DGKG: variants seen among roughly 807,000 people sequenced by gnomAD.
The protein encoded by DGKG is diacylglycerol kinase gamma.
DGKG carries 78 observed loss-of-function variants against 105.3 expected under a neutral mutation model. That is an observed-to-expected ratio of 0.74 (90% CI 0.62 to 0.89). The LOEUF (loss-of-function observed/expected upper bound fraction) is 0.89, where lower values mean the gene tolerates loss of function less well. Among genes scored for constraint, DGKG ranks in the 40% least tolerant of loss-of-function variants. The pLI is 0.00. For missense variants in DGKG, 958 were observed against 1,020.1 expected, an observed-to-expected ratio of 0.94 and a Z score of 0.83; for synonymous variants, 346 against 367.1, an observed-to-expected ratio of 0.94 and a Z score of 0.66.
intron 6 of DGKG, among the ~76,000 whole-genome samples, chr3:186,285,415 C>A (rs1404333524): frequency 1.3e-5 from 2 of 152,162 alleles, no homozygotes; most frequent in Admixed American, 6.6e-5. Flanking sequence ...ATTACGGAAG[C>A]CATCTTTTCC....
chr3:186,177,924 C>G (rs1324546392), intron 22 of DGKG, among the ~76,000 whole-genome samples: 1 of 151,996 alleles, frequency 6.6e-6, no homozygotes, highest in Non-Finnish European at 1.5e-5. Context: ...TATGTTGAAG[C>G]CCTAATTTCC....
At chr3:186,154,648 A>G (rs1302655772) in intron 24 of DGKG, among the ~76,000 whole-genome samples, 1 of 150,738 alleles carries the variant, frequency 6.6e-6, no homozygotes, top group Non-Finnish European at 1.5e-5. Context: ...CTGTCTCAAA[A>G]AAAAAAAAAA....
At position 186,288,782 on chromosome 3, in the gene DGKG, C is replaced by G; in HGVS notation, c.472G>C (p.Val158Leu). ...VPRSSSSESP[V>L]VYLKDVVCYL... ...CACACAACATCCTTCAGGTATACCACTGGGGATTCCGAGCTTGAAGACCGA... is the reference window on the plus strand; with the variant it reads ...CACACAACATCCTTCAGGTATACCAGTGGGGATTCCGAGCTTGAAGACCGA... The change falls in exon 6 of 25, where the codon GTG (valine) becomes CTG (leucine). Residue 158 changes from valine to leucine, a missense_variant. Coordinates refer to ENST00000265022, the MANE Select transcript of DGKG (RefSeq NM_001346.3). The G allele has an allele frequency of 3.7e-6, 6 of 1,613,844 alleles. No homozygotes were observed. Among genetic ancestry groups the G allele is most frequent in the Non-Finnish European group, 5.1e-6 (6 of 1,179,846 alleles).
chr3:186,210,400 C>T lies in DGKG; in HGVS notation c.1917+1395G>A, dbSNP rs1449346685. Among the ~76,000 whole-genome samples, 1 of 152,236 alleles carries T rather than the reference C, an allele frequency of 6.6e-6. No individual in the cohort carries two copies. The highest frequency in any genetic ancestry group is 1.5e-5 in the Non-Finnish European group (1 of 68,038). On this transcript the variant is annotated intron_variant, in intron 21 of 24. Coordinates refer to ENST00000265022, the MANE Select transcript of DGKG (RefSeq NM_001346.3). The surrounding 1 kb of genome is among the most constrained non-coding windows in gnomAD (Gnocchi z 5.2). ...CGTTCACACGTCAAGAGAGGAGGACCGGCTTCTCAGACTCCCTGTGTGCCA... is the reference window on the plus strand; with the variant it reads ...CGTTCACACGTCAAGAGAGGAGGACTGGCTTCTCAGACTCCCTGTGTGCCA...
chr3:186,240,618 T>A (rs1720637184), intron 20 of DGKG, among the ~76,000 whole-genome samples: 1 of 152,118 alleles, frequency 6.6e-6, no homozygotes, highest in African/African-American at 2.4e-5. Context: ...GAGACCAGCC[T>A]GGCCAACATG....
At chr3:186,323,261 C>G (rs954140265) in intron 1 of DGKG, among the ~76,000 whole-genome samples, 1 of 152,178 alleles carries the variant, frequency 6.6e-6, no homozygotes, top group Non-Finnish European at 1.5e-5. Context: ...CTTTAGAAAC[C>G]TTTGCCATCG....
Position 186,226,943 on chromosome 3 carries a change from G to A in DGKG, c.1827-15058C>T, listed in dbSNP as rs1184420980. On this transcript the variant is annotated intron_variant, in intron 20 of 24. Coordinates refer to ENST00000265022, the MANE Select transcript of DGKG (RefSeq NM_001346.3). The surrounding 1 kb of genome is among the most constrained non-coding windows in gnomAD (Gnocchi z 4.2). ...TTCATTGAAGAGCATTAGAAGATTGGGAAAATGCCTTCTTAGTAAAATATG... is the reference window on the plus strand; with the variant it reads ...TTCATTGAAGAGCATTAGAAGATTGAGAAAATGCCTTCTTAGTAAAATATG... Among the ~76,000 whole-genome samples, 3 of 152,094 alleles carry A rather than the reference G, an allele frequency of 2.0e-5. No individual in the cohort carries two copies. In the East Asian group the frequency reaches 5.8e-4, roughly 29 times the overall value.
At chr3:186,241,922 T>G (rs932445618) in intron 20 of DGKG, among the ~76,000 whole-genome samples, 1 of 152,182 alleles carries the variant, frequency 6.6e-6, no homozygotes, top group Non-Finnish European at 1.5e-5. Context: ...ACTTGGTGAC[T>G]TCACAGAGTG....
At chr3:186,299,296 T>C (rs2108615207) in intron 3 of DGKG, among the ~76,000 whole-genome samples, 1 of 152,360 alleles carries the variant, frequency 6.6e-6, no homozygotes, top group Admixed American at 6.5e-5. Flanking sequence ...TGGTAGCATT[T>C]AACCCCTTGT....
At chr3:186,166,644 TG>T (rs1309585241) in intron 22 of DGKG, among the ~76,000 whole-genome samples, 2 of 151,680 alleles carry the variant, frequency 1.3e-5, no homozygotes. Flanking sequence ...TGTGTGTGTG[TG>T]TGTGTGTAAG....
At chr3:186,272,449 G>A (rs1470083838) in intron 10 of DGKG, 106 bp from the exon 11 acceptor site, 13 of 783,592 alleles carry the variant, frequency 1.7e-5, no homozygotes, top group East Asian at 2.7e-5. Flanking sequence ...TGGGTGGCTG[G>A]CGAGGGGCAG....
intron 21 of DGKG, among the ~76,000 whole-genome samples, chr3:186,189,247 T>C (rs904731538): frequency 6.6e-6 from 1 of 152,254 alleles, no homozygotes; most frequent in Admixed American, 6.5e-5. Context: ...ATGTGTTTGC[T>C]GAAGGAGCAG....
At chr3:186,163,474 A>G (rs527972687) in intron 23 of DGKG, among the ~76,000 whole-genome samples, 4 of 152,286 alleles carry the variant, frequency 2.6e-5, no homozygotes, top group African/African-American at 9.6e-5. Context: ...TCACCTGGGT[A>G]TGGCAACTGT....
At chr3:186,353,644 ATCTATGTCTATG>A (rs59298207) in intron 1 of DGKG, among the ~76,000 whole-genome samples, 4 of 96,958 alleles carry the variant, frequency 4.1e-5, no homozygotes, top group Middle Eastern at 4.4e-3. Context: ...CTATATCTAT[ATCTATGTCTATG>A]TCTATATCTA....
Position 186,206,052 on chromosome 3 carries a change from G to T in DGKG, c.1917+5743C>A, listed in dbSNP as rs545833814. Among the ~76,000 whole-genome samples, 6 of 152,236 alleles carry T rather than the reference G, an allele frequency of 3.9e-5. No homozygotes were observed. In the South Asian group the frequency reaches 1.2e-3, roughly 32 times the overall value. ...TTAGTTCATATTAGTGGAGCTGGCT[G>T]ACCTTCCCTTGTGAATATGTTTTAA... On this transcript the variant is annotated intron_variant, in intron 21 of 24. Transcript: ENST00000265022.
At chr3:186,304,988 T>A (rs979999773) in intron 3 of DGKG, among the ~76,000 whole-genome samples, 3 of 152,168 alleles carry the variant, frequency 2.0e-5, no homozygotes, top group African/African-American at 7.2e-5. Context: ...CCAAGAAATG[T>A]TAGAGTCATT....
intron 1 of DGKG, among the ~76,000 whole-genome samples, chr3:186,335,594 A>G (rs1373260047): frequency 6.6e-6 from 1 of 152,228 alleles, no homozygotes; most frequent in Non-Finnish European, 1.5e-5. Flanking sequence ...CAAATTGTTA[A>G]CAACTTAAAA....
chr3:186,177,166 C>T (rs1037102385), intron 22 of DGKG, among the ~76,000 whole-genome samples: 2 of 152,234 alleles, frequency 1.3e-5, no homozygotes, highest in African/African-American at 4.8e-5. Context: ...CTTCCCCTTC[C>T]TTCTCATCCA....
chr3:186,298,783 AG>A (rs1307373369), intron 3 of DGKG, among the ~76,000 whole-genome samples: 1 of 152,226 alleles, frequency 6.6e-6, no homozygotes, highest in Non-Finnish European at 1.5e-5. Flanking sequence ...AAAGTAGGAA[AG>A]ACCTGGAAGA....
Sources: allele counts gnomAD v4.1 joint callset (sites outside exome capture counted in the v4.1 genomes callset), GRCh38; gene constraint gnomAD v4.1.1; non-coding constraint Gnocchi (gnomAD v3.1); transcripts MANE v1.5; gene names NCBI Gene and HGNC (gene_info 2026-07-23, HGNC 2026-07-21).